Variants in WDPCP observed in about 807,000 individuals in gnomAD.
The protein encoded by WDPCP is WD repeat-containing and planar cell polarity effector protein fritz homolog.
In WDPCP, 71 loss-of-function variants were observed where a neutral mutation model predicts 93.1. The ratio of observed to expected loss-of-function variants is 0.76; its 90% CI spans 0.63 to 0.93. WDPCP has a LOEUF of 0.93. Among genes scored for constraint, WDPCP ranks in the 40% least tolerant of loss-of-function variants. WDPCP has a pLI of 0.00. For missense variants in WDPCP, 844 were observed against 887.4 expected, an observed-to-expected ratio of 0.95 and a Z score of 0.62; for synonymous variants, 315 against 315.0, an observed-to-expected ratio of 1.00 and a Z score of 0.00.
intron 2 of WDPCP, among the ~76,000 whole-genome samples, chr2:63,812,129 T>C (rs897171746): frequency 7.9e-5 from 12 of 152,092 alleles, no homozygotes; most frequent in African/African-American, 2.4e-4. Context: ...CATCCCAAAG[T>C]GTTGGGATTA....
intron 14 of WDPCP, among the ~76,000 whole-genome samples, chr2:63,241,134 A>T (rs1679826596): frequency 2.0e-5 from 3 of 152,322 alleles, no homozygotes; most frequent in Admixed American, 6.5e-5. Flanking sequence ...AGCATACTTA[A>T]TAAGATTACT....
In WDPCP at chr2:63,492,898, C is replaced by T; in HGVS notation, c.118G>A (p.Glu40Lys). ...TTCTTCAAAGACCACAGGTGCAGTTCAGTCAAGCAGAAAGACATCTGATGG... is the reference window on the plus strand; with the variant it reads ...TTCTTCAAAGACCACAGGTGCAGTTTAGTCAAGCAGAAAGACATCTGATGG... ...FCHQMSFCLT[E>K]LHLWSLKNTL... is the part of the protein sequence containing the mutation. Residue 40 changes from glutamate to lysine, a missense_variant, in exon 2 of 18, where the codon GAA (glutamate) becomes AAA (lysine). Glu to Lys is a moderately conservative substitution (Grantham distance 56). Transcript: ENST00000272321. 6.2e-7 allele frequency: 1 copy of T among 1,613,634 alleles called. No individual in the cohort carries two copies. The highest frequency in any genetic ancestry group is 8.5e-7 in the Non-Finnish European group (1 of 1,179,904).
chr2:63,452,327 G>A (rs935813974), intron 6 of WDPCP, among the ~76,000 whole-genome samples: 5 of 152,078 alleles, frequency 3.3e-5, no homozygotes, highest in Admixed American at 6.5e-5. Flanking sequence ...AATCACGAGC[G>A]AACTCCCATT....
intron 1 of WDPCP, among the ~76,000 whole-genome samples, chr2:63,567,308 G>A (rs1355338407): frequency 6.6e-6 from 1 of 152,070 alleles, no homozygotes; most frequent in Non-Finnish European, 1.5e-5. Context: ...AAACTATCTA[G>A]GGACCCCCAG....
At chr2:63,808,128 C>T (rs904450047) in intron 2 of WDPCP, among the ~76,000 whole-genome samples, 1 of 152,076 alleles carries the variant, frequency 6.6e-6, no homozygotes, top group African/African-American at 2.4e-5. Context: ...ACTGAGGCCA[C>T]AAGGCTGTAA....
rs1241185405 is a variant in WDPCP, at chr2:63,404,638, G to C, written c.845C>G (p.Thr282Arg). ...GRLEVLSSVR[T>R]EWDPLDVRFG... ...GCGAACATCCAGTGGGTCCCATTCT[G>C]TGCGGACAGAACTCAGAACCTGTTA... The change falls in exon 10 of 18, where the codon ACA (threonine) becomes AGA (arginine). Residue 282 changes from threonine to arginine, a missense_variant. Thr to Arg is a moderately conservative substitution (Grantham distance 71). Transcript: ENST00000272321. The C allele has an allele frequency of 2.2e-5, 36 of 1,614,082 alleles. No individual in the cohort carries two copies. The highest frequency in any genetic ancestry group is 3.1e-5 in the Non-Finnish European group (36 of 1,179,978).
intron 3 of WDPCP, among the ~76,000 whole-genome samples, chr2:63,649,691 C>T (rs1156971033): frequency 6.6e-6 from 1 of 152,170 alleles, no homozygotes; most frequent in African/African-American, 2.4e-5. Context: ...ATATCATTCC[C>T]CTGCTCAGCC....
chr2:63,481,416 A>G (rs1700259263), intron 6 of WDPCP, among the ~76,000 whole-genome samples: 1 of 152,114 alleles, frequency 6.6e-6, no homozygotes. Flanking sequence ...AAAAGAAGTC[A>G]TTATACGAAA....
At chr2:63,125,822 G>A (rs1669860581) in intron 17 of WDPCP, among the ~76,000 whole-genome samples, 1 of 152,112 alleles carries the variant, frequency 6.6e-6, no homozygotes, top group Non-Finnish European at 1.5e-5. Context: ...TGTTGGCCGG[G>A]CTGGTCTTGA....
chr2:63,399,431 C>G (rs1307342938), intron 10 of WDPCP, among the ~76,000 whole-genome samples: 1 of 151,988 alleles, frequency 6.6e-6, no homozygotes, highest in African/African-American at 2.4e-5. Context: ...GGCAAATGTG[C>G]TAGAGATAGG....
chr2:63,143,481 TTTG>T (rs1220333879), intron 17 of WDPCP, among the ~76,000 whole-genome samples: 2 of 152,190 alleles, frequency 1.3e-5, no homozygotes, highest in Non-Finnish European at 2.9e-5. Flanking sequence ...GCCTGCGTAC[TTTG>T]TTTTTTTTGT....
intron 6 of WDPCP, among the ~76,000 whole-genome samples, chr2:63,456,281 G>A (rs1698615994): frequency 6.6e-6 from 1 of 152,116 alleles, no homozygotes; most frequent in South Asian, 2.1e-4. Flanking sequence ...GCCAGGCGTG[G>A]TGGTGCATGC....
At chr2:63,598,624 T>A (rs917453103) in intron 3 of WDPCP, among the ~76,000 whole-genome samples, 1 of 152,200 alleles carries the variant, frequency 6.6e-6, no homozygotes, top group South Asian at 2.1e-4. Context: ...ATATCTGCAT[T>A]TTTTGCTTTC....
At chr2:63,238,726 T>C (rs893998521) in intron 14 of WDPCP, among the ~76,000 whole-genome samples, 4 of 152,150 alleles carry the variant, frequency 2.6e-5, no homozygotes, top group African/African-American at 9.7e-5. Flanking sequence ...GTTGGAATAG[T>C]ATATGTGAAA....
intron 3 of WDPCP, chr2:63,597,301 C>G (rs977511709): frequency 2.4e-6 from 3 of 1,273,084 alleles, no homozygotes; most frequent in Admixed American, 3.7e-5. Flanking sequence ...TAAACACTTG[C>G]AACAAGTGAA....
At chr2:63,637,861 T>C (rs984012258) in intron 3 of WDPCP, among the ~76,000 whole-genome samples, 1 of 152,176 alleles carries the variant, frequency 6.6e-6, no homozygotes, top group Non-Finnish European at 1.5e-5. Context: ...ATAGCTACTA[T>C]AGAAAACAGT....
Position 63,568,511 on chromosome 2 carries a change from C to T in WDPCP, c.75+19686G>A, listed in dbSNP as rs543962898. Among the ~76,000 whole-genome samples, 229 of 152,306 alleles carry T rather than the reference C, an allele frequency of 1.5e-3. 1 individual carries two copies. The highest frequency in any genetic ancestry group is 2.8e-3 in the Non-Finnish European group (191 of 68,012). ...CACTTGAACATAAATTTAATTTACT[C>T]AGCAAGGCCATTTTTACTTCCTGCA... On this transcript the variant is annotated intron_variant, in intron 1 of 17. Coordinates refer to ENST00000272321, the MANE Select transcript of WDPCP (RefSeq NM_015910.7).
intron 15 of WDPCP, among the ~76,000 whole-genome samples, chr2:63,156,496 G>A (rs1672259866): frequency 6.6e-6 from 1 of 152,128 alleles, no homozygotes; most frequent in African/African-American, 2.4e-5. Context: ...AGCACCTTGG[G>A]AGGCTGAGGC....
At chr2:63,522,310 G>C (rs1425859706) in intron 1 of WDPCP, among the ~76,000 whole-genome samples, 2 of 151,210 alleles carry the variant, frequency 1.3e-5, no homozygotes, top group African/African-American at 4.9e-5. Flanking sequence ...ACATCAAAAA[G>C]TTAAAAAGAT....
Sources: allele counts gnomAD v4.1 joint callset (sites outside exome capture counted in the v4.1 genomes callset), GRCh38; gene constraint gnomAD v4.1.1; transcripts MANE v1.5; gene names NCBI Gene and HGNC (gene_info 2026-07-23, HGNC 2026-07-21).